Variants in MNAT1 observed in about 807,000 individuals in gnomAD.
MNAT1 encodes the protein MNAT1 component of CDK activating kinase.
A neutral mutation model predicts 42.0 loss-of-function variants in MNAT1; 43 were observed. The observed-to-expected ratio is 1.02, with a 90% CI of 0.80 to 1.32. The LOEUF (loss-of-function observed/expected upper bound fraction) is 1.32. Ranked by LOEUF, MNAT1 falls within the 40% of genes most tolerant of loss-of-function variation. MNAT1 has a pLI of 0.00. For missense variants in MNAT1, 306 were observed against 350.4 expected (o/e 0.87, Z 1.01); for synonymous variants, 118 against 120.0 (o/e 0.98, Z 0.11).
intron 6 of MNAT1, among the ~76,000 whole-genome samples, chr14:60,862,360 T>C (rs1399064650): frequency 6.6e-6 from 1 of 152,230 alleles, no homozygotes; most frequent in Non-Finnish European, 1.5e-5. Flanking sequence ...CTTTGTGCAA[T>C]TAAGAGAAAA....
chr14:60,812,196 T>C lies in MNAT1; in HGVS notation c.561+69T>C, dbSNP rs542428610. On this transcript the variant is annotated intron_variant, in intron 5 of 7. Coordinates refer to ENST00000261245, the MANE Select transcript of MNAT1 (RefSeq NM_002431.4). Reference sequence around the variant, plus strand: ...GATTTACCTTTCCTAGTAGGCTGGATGATGGCATTTAAAGGGCTTTTCCAC... The same window carrying C: ...GATTTACCTTTCCTAGTAGGCTGGACGATGGCATTTAAAGGGCTTTTCCAC... The C allele has an allele frequency of 1.1e-5, 16 of 1,406,778 alleles. No homozygotes were observed. In the South Asian group the frequency reaches 1.8e-4, roughly 16 times the overall value. 87.1% of individuals were successfully genotyped at this position (1,406,778 alleles called of 1,614,324 possible). A position where few individuals can be genotyped will look rare whatever the true frequency, so the allele number is the denominator to read the frequency against.
intron 7 of MNAT1, among the ~76,000 whole-genome samples, chr14:60,921,998 T>G (rs910248865): frequency 2.0e-5 from 3 of 152,132 alleles, no homozygotes; most frequent in Non-Finnish European, 4.4e-5. Context: ...TAACACTAGG[T>G]GAAGTTTGAA....
chr14:60,913,511 G>A lies in MNAT1; in HGVS notation c.809+33676G>A, dbSNP rs1239199877. Among the ~76,000 whole-genome samples the A allele has an allele frequency of 2.0e-5, 3 of 152,092 alleles. No individual in the cohort carries two copies. In the East Asian group the frequency reaches 5.8e-4, roughly 29 times the overall value. On this transcript the variant is annotated intron_variant, in intron 7 of 7. Transcript: ENST00000261245. The stretch of plus-strand genomic sequence containing the variant: ...GGCGTCCAGATGGGTTTTTGGTGTG[G>A]ATGGCCTTTCTGTTTTTTAGTTTTC...
At position 60,736,294 on chromosome 14, in the gene MNAT1, G is replaced by GT. The variant is rs1195218975; in HGVS notation, c.89+1354dup. ...TATGGTGGAACAGGAAAGAGAGTTT[G>GT]TTTTTTTTTTTGGGAAGGATACTAA... On this transcript the variant is annotated intron_variant, in intron 1 of 7. Coordinates refer to ENST00000261245, the MANE Select transcript of MNAT1 (RefSeq NM_002431.4). 1.5e-3 allele frequency among the ~76,000 whole-genome samples: 206 copies of GT among 141,398 alleles called. No individual in the cohort carries two copies. In the Middle Eastern group the frequency reaches 0.015, roughly 10 times the overall value. The allele number at this position is 141,398 out of a possible 152,430, so 92.8% of individuals were successfully genotyped here. A position where few individuals can be genotyped will look rare whatever the true frequency, so the allele number is the denominator to read the frequency against.
chr14:60,878,836 G>A (rs2034488197), intron 6 of MNAT1, among the ~76,000 whole-genome samples: 1 of 152,106 alleles, frequency 6.6e-6, no homozygotes, highest in African/African-American at 2.4e-5. Context: ...GATCACAGTT[G>A]CTTAAAATTT....
intron 6 of MNAT1, among the ~76,000 whole-genome samples, chr14:60,858,966 A>G (rs2034030638): frequency 6.6e-6 from 1 of 152,232 alleles, no homozygotes; most frequent in African/African-American, 2.4e-5. Context: ...GCAAGGGTCT[A>G]CAACCGAACC....
intron 7 of MNAT1, among the ~76,000 whole-genome samples, chr14:60,949,699 A>G (rs2036346277): frequency 6.6e-6 from 1 of 152,134 alleles, no homozygotes; most frequent in Admixed American, 6.5e-5. Flanking sequence ...TAACTGGCTA[A>G]TCTATTAAAG....
At chr14:60,880,468 G>A (rs767524671) in intron 7 of MNAT1, among the ~76,000 whole-genome samples, 2 of 152,020 alleles carry the variant, frequency 1.3e-5, no homozygotes, top group Middle Eastern at 3.2e-3. Context: ...TCATTTCTTG[G>A]TCTGATTTTA....
At chr14:60,934,297 TC>T (rs1223473897) in intron 7 of MNAT1, among the ~76,000 whole-genome samples, 1 of 152,188 alleles carries the variant, frequency 6.6e-6, no homozygotes, top group Non-Finnish European at 1.5e-5. Flanking sequence ...AGCATGAGCC[TC>T]CTTTCCTTGG....
intron 1 of MNAT1, among the ~76,000 whole-genome samples, chr14:60,739,455 G>A (rs112766615): frequency 2.6e-5 from 4 of 152,040 alleles, no homozygotes; most frequent in African/African-American, 9.7e-5. Context: ...GTGAGTAGGA[G>A]TAGTGCTTCA....
chr14:60,911,920 G>T (rs1425809731), intron 7 of MNAT1, among the ~76,000 whole-genome samples: 2 of 151,968 alleles, frequency 1.3e-5, no homozygotes, highest in African/African-American at 2.4e-5. Flanking sequence ...TGACAGTGGG[G>T]TGTTAAAGTC....
intron 7 of MNAT1, among the ~76,000 whole-genome samples, chr14:60,954,313 G>A (rs1173683705): frequency 6.6e-6 from 1 of 152,088 alleles, no homozygotes; most frequent in African/African-American, 2.4e-5. Flanking sequence ...GATCACTTTG[G>A]ATTTTATGGA....
At chr14:60,892,243 G>T (rs1422778401) in intron 7 of MNAT1, among the ~76,000 whole-genome samples, 1 of 151,934 alleles carries the variant, frequency 6.6e-6, no homozygotes, top group African/African-American at 2.4e-5. Context: ...TATTGAGAGG[G>T]GAGTATTGAA....
chr14:60,857,293 T>C (rs893592074), intron 6 of MNAT1, among the ~76,000 whole-genome samples: 1 of 152,172 alleles, frequency 6.6e-6, no homozygotes, highest in African/African-American at 2.4e-5. Context: ...CCAACCCCCA[T>C]GGAAGGACTT....
At chr14:60,892,648 G>A (rs2034870707) in intron 7 of MNAT1, among the ~76,000 whole-genome samples, 1 of 151,934 alleles carries the variant, frequency 6.6e-6, no homozygotes, top group Admixed American at 6.6e-5. Context: ...TGTTTTACAT[G>A]TGCCTTATAG....
At chr14:60,938,206 A>C (rs1406641960) in intron 7 of MNAT1, among the ~76,000 whole-genome samples, 2 of 152,160 alleles carry the variant, frequency 1.3e-5, no homozygotes, top group African/African-American at 4.8e-5. Context: ...TTCCTAATTG[A>C]ATACCCTTTA....
chr14:60,780,827 G>GTT (rs975807307), intron 1 of MNAT1, among the ~76,000 whole-genome samples: 1 of 148,030 alleles, frequency 6.8e-6, no homozygotes, highest in Non-Finnish European at 1.5e-5. Context: ...GAACCAGGAG[G>GTT]TTTTTTTTTT....
chr14:60,897,910 C>G (rs746110780), intron 7 of MNAT1, among the ~76,000 whole-genome samples: 10 of 152,096 alleles, frequency 6.6e-5, no homozygotes, highest in Admixed American at 2.6e-4. Flanking sequence ...GCCCTCACAC[C>G]CTTCCCAGCC....
chr14:60,940,721 G>A (rs1195040075), intron 7 of MNAT1, among the ~76,000 whole-genome samples: 1 of 151,972 alleles, frequency 6.6e-6, no homozygotes, highest in East Asian at 1.9e-4. Flanking sequence ...CTGGCCGTCT[G>A]TCTCAAAGCT....
Sources: gnomAD v4.1 joint callset for allele counts (sites outside exome capture counted in the v4.1 genomes callset) on GRCh38, gnomAD v4.1.1 for gene constraint, MANE v1.5 for transcripts, NCBI Gene and HGNC (gene_info 2026-07-23, HGNC 2026-07-21) for gene names.